PHF14: variants seen among roughly 807,000 people sequenced by gnomAD.
PHF14 encodes the protein PHD finger protein 14.
In PHF14, 55 loss-of-function variants were observed where a neutral mutation model predicts 117.9. That is an observed-to-expected ratio of 0.47 (90% CI 0.38 to 0.58). The LOEUF is 0.58. Among genes scored for constraint, PHF14 ranks in the 20% least tolerant of loss-of-function variants. The probability of loss-of-function intolerance (pLI) is 0.00; values close to 1 mark genes in which losing one functional copy is unlikely to be tolerated. For synonymous variants in PHF14, 409 were observed against 368.6 expected (o/e 1.11, Z -1.26); for missense variants, 978 against 1,122.2 (o/e 0.87, Z 1.84).
intron 4 of PHF14, among the ~76,000 whole-genome samples, chr7:10,994,964 C>A (rs939937022): frequency 6.6e-6 from 1 of 152,162 alleles, no homozygotes; most frequent in African/African-American, 2.4e-5. Context: ...TTCTCTGGCC[C>A]CACCCACATC....
chr7:11,024,522 T>C (rs955035943), intron 6 of PHF14, among the ~76,000 whole-genome samples: 1 of 152,182 alleles, frequency 6.6e-6, no homozygotes, highest in Admixed American at 6.5e-5. Flanking sequence ...CTCTCTTGTT[T>C]AGAGGTGAAT....
At chr7:11,003,173 T>A (rs1024992302) in intron 4 of PHF14, among the ~76,000 whole-genome samples, 7 of 152,222 alleles carry the variant, frequency 4.6e-5, no homozygotes, top group Non-Finnish European at 1.0e-4. Context: ...TCTCCTGACC[T>A]CGTGGTCCGC....
At position 11,022,985 on chromosome 7, in the gene PHF14, A is replaced by G; in HGVS notation, c.1317+6A>G. 4.0e-6 allele frequency: 6 copies of G among 1,509,190 alleles called. No individual in the cohort carries two copies. The highest frequency in any genetic ancestry group is 5.5e-6 in the Non-Finnish European group (6 of 1,094,662). The allele number at this position is 1,509,190 out of a possible 1,614,324, so 93.5% of individuals were successfully genotyped here. ...ATTCCAAATATGGTGCCAAGGTGAG[A>G]CACAAAGCATTTTTGATTGCTTGAA... On this transcript the variant is annotated splice_donor_region_variant and intron_variant, in intron 6 of 17. Coordinates refer to ENST00000634607, the MANE Select transcript of PHF14 (RefSeq NM_001007157.2).
intron 17 of PHF14, among the ~76,000 whole-genome samples, chr7:11,131,021 C>T (rs533165773): frequency 6.6e-6 from 1 of 151,494 alleles, no homozygotes; most frequent in East Asian, 1.9e-4. Context: ...GAGTAATGTT[C>T]TATTGTATGG....
intron 13 of PHF14, among the ~76,000 whole-genome samples, chr7:11,044,989 G>A (rs140127823): frequency 6.6e-6 from 1 of 152,228 alleles, no homozygotes; most frequent in East Asian, 1.9e-4. Context: ...TTTGGATTTT[G>A]GAGCACTTCA....
chr7:11,047,511 A>G (rs1784709275), intron 13 of PHF14, among the ~76,000 whole-genome samples: 1 of 151,628 alleles, frequency 6.6e-6, no homozygotes, highest in African/African-American at 2.4e-5. Context: ...AAAATTGAGA[A>G]AAGGCCAGAC....
At chr7:11,112,291 A>AT (rs1288269320) in intron 17 of PHF14, among the ~76,000 whole-genome samples, 1 of 152,120 alleles carries the variant, frequency 6.6e-6, no homozygotes, top group African/African-American at 2.4e-5. Context: ...TACTTAAATG[A>AT]TTTTTTTGGT....
At chr7:11,007,279 T>G (rs1442558206) in intron 4 of PHF14, among the ~76,000 whole-genome samples, 1 of 152,166 alleles carries the variant, frequency 6.6e-6, no homozygotes, top group Non-Finnish European at 1.5e-5. Flanking sequence ...TTTTTAATGG[T>G]CTTTGTCTGT....
At chr7:11,084,655 T>C (rs1372288611) in intron 16 of PHF14, among the ~76,000 whole-genome samples, 1 of 152,178 alleles carries the variant, frequency 6.6e-6, no homozygotes, top group Non-Finnish European at 1.5e-5. Context: ...TTAATTTCTA[T>C]CCCAAAGTAA....
At chr7:11,049,856 G>A (rs113693202) in intron 13 of PHF14, among the ~76,000 whole-genome samples, 2,289 of 152,210 alleles carry the variant, frequency 0.015, 48 homozygotes, top group African/African-American at 0.053. Flanking sequence ...GTTAATGATG[G>A]TAATCTGACA....
At chr7:11,122,106 G>T (rs553854757) in intron 17 of PHF14, among the ~76,000 whole-genome samples, 2 of 151,224 alleles carry the variant, frequency 1.3e-5, no homozygotes, top group Non-Finnish European at 2.9e-5. Flanking sequence ...GTGAGAACAT[G>T]GGGTGTTTGG....
intron 4 of PHF14, chr7:11,006,760 T>C (rs772825524): frequency 4.6e-5 from 34 of 735,142 alleles, no homozygotes; most frequent in Non-Finnish European, 7.5e-5. Flanking sequence ...CGGATCTTCT[T>C]TTTTGGTGGC....
chr7:11,112,928 G>C (rs1787491607), intron 17 of PHF14, among the ~76,000 whole-genome samples: 1 of 151,936 alleles, frequency 6.6e-6, no homozygotes, highest in Non-Finnish European at 1.5e-5. Flanking sequence ...ATTTAAGAGA[G>C]AACATATTTA....
At chr7:11,050,938 A>G (rs1309285063) in intron 13 of PHF14, among the ~76,000 whole-genome samples, 1 of 152,224 alleles carries the variant, frequency 6.6e-6, no homozygotes, top group Non-Finnish European at 1.5e-5. Context: ...ATTAAAAGAT[A>G]TGATAACTGT....
At chr7:11,119,619 A>G (rs557484365) in intron 17 of PHF14, among the ~76,000 whole-genome samples, 15 of 152,034 alleles carry the variant, frequency 9.9e-5, no homozygotes, top group African/African-American at 3.4e-4. Context: ...GATTGCATGC[A>G]TTGTAGATGT....
rs558565650 is a variant in PHF14, at chr7:11,149,351, A to G, written c.2773-20065A>G. ...TCCTGACTACAACTTAGGAGACATA[A>G]ATTCAGATTCTAACTCTACCAATTG... On this transcript the variant is annotated intron_variant, in intron 17 of 17. Transcript: ENST00000634607. Among the ~76,000 whole-genome samples, 46 of 152,260 alleles carry G rather than the reference A, an allele frequency of 3.0e-4. 1 individual carries two copies. In the South Asian group the frequency reaches 9.3e-3, roughly 31 times the overall value.
intron 16 of PHF14, among the ~76,000 whole-genome samples, chr7:11,081,980 G>T (rs1408216072): frequency 2.6e-5 from 4 of 152,088 alleles, no homozygotes; most frequent in Non-Finnish European, 5.9e-5. Context: ...CAGAAAACTG[G>T]TTTTTAAAAG....
intron 17 of PHF14, among the ~76,000 whole-genome samples, chr7:11,120,055 T>C (rs79862111): frequency 2.7e-5 from 4 of 149,240 alleles, no homozygotes; most frequent in African/African-American, 9.9e-5. Flanking sequence ...AGTTATTTTT[T>C]CCCAAAAAAT....
chr7:11,084,378 A>G (rs1398533561), intron 16 of PHF14, among the ~76,000 whole-genome samples: 4 of 152,212 alleles, frequency 2.6e-5, no homozygotes, highest in Non-Finnish European at 5.9e-5. Context: ...TTGAGGGCAC[A>G]GAATTAGTAT....
Sources: gnomAD v4.1 joint callset for allele counts (sites outside exome capture counted in the v4.1 genomes callset) on GRCh38, gnomAD v4.1.1 for gene constraint, MANE v1.5 for transcripts, NCBI Gene and HGNC (gene_info 2026-07-23, HGNC 2026-07-21) for gene names.